Variants in CD6 observed in about 807,000 individuals in gnomAD.
The protein encoded by CD6 is T-cell differentiation antigen CD6.
Under a neutral mutation model 75.3 loss-of-function variants are expected in CD6, and 53 were observed. The ratio of observed to expected loss-of-function variants is 0.70; its 90% confidence interval spans 0.56 to 0.88. The LOEUF is 0.88. Among genes scored for constraint, CD6 ranks in the 40% least tolerant of loss-of-function variants. The pLI, the probability that CD6 is intolerant of heterozygous loss-of-function variation, is 0.00. For missense variants in CD6, 770 were observed against 897.1 expected, an observed-to-expected ratio of 0.86 and a Z score of 1.81; for synonymous variants, 359 against 381.5, an observed-to-expected ratio of 0.94 and a Z score of 0.69.
intron 7 of CD6, 65 bp from the exon 8 acceptor site, chr11:61,013,854 G>A (rs1859275057): frequency 7.8e-6 from 9 of 1,159,890 alleles, no homozygotes; most frequent in South Asian, 4.3e-5. Flanking sequence ...AGAACAGAAC[G>A]GAACCAGGTA....
At chr11:61,010,003 C>CAACAGTCCTTCTTA in intron 5 of CD6, 129 bp downstream of exon 5, 1 of 894,092 alleles carries the variant, frequency 1.1e-6, no homozygotes. Context: ...ATAAGAAGGA[C>CAACAGTCCTTCTTA]TGTTGTCCTT....
chr11:61,004,183 T>C (rs762980979), intron 1 of CD6, among the ~76,000 whole-genome samples: 2 of 151,950 alleles, frequency 1.3e-5, no homozygotes, highest in Non-Finnish European at 2.9e-5. Context: ...ACACATCACA[T>C]TCACACACAC....
chr11:60,988,869 G>A (rs1857936422), intron 1 of CD6, among the ~76,000 whole-genome samples: 1 of 152,168 alleles, frequency 6.6e-6, no homozygotes, highest in African/African-American at 2.4e-5. Context: ...GTGGGGGCAG[G>A]CCCCCTGGAA....
intron 1 of CD6, among the ~76,000 whole-genome samples, chr11:61,003,712 C>T (rs1382901297): frequency 4.6e-5 from 7 of 152,164 alleles, no homozygotes; most frequent in Admixed American, 1.3e-4. Flanking sequence ...CCAGCCTGGG[C>T]GACAGAGCGA....
intron 8 of CD6, among the ~76,000 whole-genome samples, chr11:61,014,586 T>G (rs948363200): frequency 2.6e-5 from 4 of 151,700 alleles, no homozygotes; most frequent in Non-Finnish European, 4.4e-5. Context: ...AATGCAAAAA[T>G]TAGACAGGTG....
At chr11:61,008,387 G>A in intron 3 of CD6, 147 bp from the exon 4 acceptor site, 3 of 763,326 alleles carry the variant, frequency 3.9e-6, no homozygotes, top group Non-Finnish European at 6.2e-6. Flanking sequence ...CTGCAGTCCT[G>A]GGGGGATTCC....
chr11:61,002,182 G>A (rs1431741254), intron 1 of CD6, among the ~76,000 whole-genome samples: 1 of 152,202 alleles, frequency 6.6e-6, no homozygotes, highest in Admixed American at 6.5e-5. Flanking sequence ...ATGCCATGCT[G>A]TAAATGGACC....
intron 3 of CD6, chr11:61,008,281 A>C (rs1858971973): frequency 1.9e-6 from 1 of 523,384 alleles, no homozygotes; most frequent in Middle Eastern, 4.8e-4. Context: ...CAGGGTCCCT[A>C]AGCGCTGTGG....
chr11:60,994,457 CAA>C (rs61349237), intron 1 of CD6, among the ~76,000 whole-genome samples: 3 of 52,964 alleles, frequency 5.7e-5, no homozygotes, highest in South Asian at 2.2e-3. Flanking sequence ...ACACCCCCGC[CAA>C]AAAAAAAAAA....
At chr11:61,004,883 C>T (rs774042174) in intron 1 of CD6, among the ~76,000 whole-genome samples, 1 of 152,230 alleles carries the variant, frequency 6.6e-6, no homozygotes, top group Non-Finnish European at 1.5e-5. Flanking sequence ...GGCTCACTGC[C>T]TCTTCCCTGC....
chr11:61,020,081 G>C lies in CD6; in HGVS notation c.*763G>C, dbSNP rs1565165100. 2.3e-5 allele frequency: 9 copies of C among 398,436 alleles called. No homozygotes were observed. In the South Asian group the frequency reaches 7.7e-4, roughly 34 times the overall value. 24.7% of individuals were successfully genotyped at this position (398,436 alleles called of 1,614,324 possible). A position where few individuals can be genotyped will look rare whatever the true frequency, so the allele number is the denominator to read the frequency against. Reference sequence around the variant, plus strand: ...TTCTGAGTTTCCTATGGTTTACAAAGAGGGCCCCAGCCCAGCCCCACCACA... The same window carrying C: ...TTCTGAGTTTCCTATGGTTTACAAACAGGGCCCCAGCCCAGCCCCACCACA... On this transcript the variant is annotated 3_prime_UTR_variant, in exon 13 of 13. Coordinates refer to ENST00000313421, the MANE Select transcript of CD6 (RefSeq NM_006725.5).
At chr11:61,016,668 C>T (rs1303001488) in intron 9 of CD6, among the ~76,000 whole-genome samples, 1 of 152,206 alleles carries the variant, frequency 6.6e-6, no homozygotes, top group Admixed American at 6.5e-5. Context: ...CACAGATTCC[C>T]GCTCACAACC....
chr11:60,991,988 T>C (rs1298333986), intron 1 of CD6, among the ~76,000 whole-genome samples: 1 of 151,780 alleles, frequency 6.6e-6, no homozygotes, highest in Non-Finnish European at 1.5e-5. Flanking sequence ...GCCCAAGTGA[T>C]CCAACCTCAG....
intron 1 of CD6, among the ~76,000 whole-genome samples, chr11:60,980,809 C>T (rs1590669207): frequency 7.0e-6 from 1 of 142,610 alleles, no homozygotes; most frequent in African/African-American, 2.5e-5. Flanking sequence ...CACTGCACTT[C>T]AGCCTATGCA....
At chr11:61,009,528 C>T in intron 4 of CD6, 44 bp from the exon 5 acceptor site, 1 of 1,517,412 alleles carries the variant, frequency 6.6e-7, no homozygotes, top group Non-Finnish European at 8.8e-7. Flanking sequence ...AATTTCTGCC[C>T]AAAGGATTCT....
intron 1 of CD6, among the ~76,000 whole-genome samples, chr11:60,988,231 G>A (rs1168957463): frequency 6.6e-6 from 1 of 152,192 alleles, no homozygotes; most frequent in Non-Finnish European, 1.5e-5. Context: ...ATAAGACGGT[G>A]CGTGCTGTAT....
chr11:61,018,122 AGC>A (rs1242489321), intron 11 of CD6, 109 bp downstream of exon 11: 2 of 1,422,162 alleles, frequency 1.4e-6, no homozygotes, highest in Non-Finnish European at 9.6e-7. Flanking sequence ...CCAGTTCCGC[AGC>A]CATTCGCTGT....
intron 12 of CD6, chr11:61,019,030 G>C (rs780182014): frequency 2.1e-5 from 10 of 468,294 alleles, no homozygotes; most frequent in Non-Finnish European, 3.8e-5. Context: ...ACCGTGTCGT[G>C]CAGTGTGCCA....
chr11:60,992,745 T>A (rs1043696302), intron 1 of CD6, among the ~76,000 whole-genome samples: 9 of 151,806 alleles, frequency 5.9e-5, no homozygotes, highest in Non-Finnish European at 8.8e-5. Flanking sequence ...GGAGAATCAC[T>A]AGAACTTGGG....
Sources: allele counts gnomAD v4.1 joint callset (sites outside exome capture counted in the v4.1 genomes callset), GRCh38; gene constraint gnomAD v4.1.1; transcripts MANE v1.5; gene names NCBI Gene and HGNC (gene_info 2026-07-23, HGNC 2026-07-21).